Variants in DLEU7 observed in about 807,000 individuals in gnomAD.
DLEU7 encodes deleted in lymphocytic leukemia 7.
A neutral mutation model predicts 16.0 loss-of-function variants in DLEU7; 17 were observed. The observed-to-expected ratio is 1.06, with a 90% CI of 0.73 to 1.59. The LOEUF (loss-of-function observed/expected upper bound fraction) is 1.59, where lower values mean the gene tolerates loss of function less well. DLEU7 is among the 40% of genes most tolerant of loss of function. The probability of loss-of-function intolerance (pLI) is 0.00; values close to 1 mark genes in which losing one functional copy is unlikely to be tolerated. For synonymous variants in DLEU7, 113 were observed against 139.8 expected (o/e 0.81, Z 1.35); for missense variants, 308 against 314.9 (o/e 0.98, Z 0.17).
intron 1 of DLEU7, among the ~76,000 whole-genome samples, chr13:50,738,302 G>GA (rs961771725): frequency 1.7e-4 from 26 of 151,982 alleles, no homozygotes; most frequent in African/African-American, 6.0e-4. Flanking sequence ...AAAACATTGG[G>GA]AAAAAAACCT....
intron 1 of DLEU7, among the ~76,000 whole-genome samples, chr13:50,714,194 C>A (rs1873373520): frequency 6.6e-6 from 1 of 152,210 alleles, no homozygotes; most frequent in African/African-American, 2.4e-5. Flanking sequence ...ACTCCCTTCT[C>A]ACCTCTGCCT....
intron 1 of DLEU7, among the ~76,000 whole-genome samples, chr13:50,810,099 CTG>C (rs1475964932): frequency 6.8e-6 from 1 of 147,860 alleles, no homozygotes; most frequent in Non-Finnish European, 1.5e-5. Flanking sequence ...ATTGATACGT[CTG>C]TGGATGTTGG....
At chr13:50,800,507 C>G (rs1593400454) in intron 1 of DLEU7, among the ~76,000 whole-genome samples, 1 of 152,110 alleles carries the variant, frequency 6.6e-6, no homozygotes, top group East Asian at 1.9e-4. Flanking sequence ...CTACCTATAC[C>G]CCCTGGCATT....
At chr13:50,808,240 A>G (rs544995911) in intron 1 of DLEU7, among the ~76,000 whole-genome samples, 72 of 152,332 alleles carry the variant, frequency 4.7e-4, no homozygotes, top group African/African-American at 1.6e-3. Context: ...GTGGGGCCAT[A>G]ACATTATCAA....
intron 1 of DLEU7, among the ~76,000 whole-genome samples, chr13:50,732,393 GA>G (rs1331161656): frequency 1.3e-5 from 2 of 151,990 alleles, no homozygotes; most frequent in East Asian, 3.9e-4. Context: ...GGCTAATCAT[GA>G]GGTCAGGAGC....
At chr13:50,821,318 G>T (rs1465495009), downstream of DLEU7, among the ~76,000 whole-genome samples, 1 of 149,402 alleles carries the variant, frequency 6.7e-6, no homozygotes, top group Admixed American at 6.8e-5. Flanking sequence ...AGACACCAAA[G>T]TTAGCATGGG....
intron 1 of DLEU7, among the ~76,000 whole-genome samples, chr13:50,804,383 C>T (rs1199554599): frequency 1.3e-5 from 2 of 150,890 alleles, no homozygotes; most frequent in Non-Finnish European, 3.0e-5. Context: ...TCTTTTGTGT[C>T]CACAAGAGAC....
chr13:50,785,093 A>G (rs765673458), intron 1 of DLEU7, among the ~76,000 whole-genome samples: 1 of 152,154 alleles, frequency 6.6e-6, no homozygotes, highest in Non-Finnish European at 1.5e-5. Flanking sequence ...TGGATAATCT[A>G]CTAGATGGCC....
rs547782037 is a variant in DLEU7, at chr13:50,747,371, T to TGTGA, written c.460-34132_460-34131insTCAC. ...GTGTGTGTGTGTGTGTGTGTGTGTG[T>TGTGA]GACAGAGAGGGAGAAAGTGGGTGTG... On this transcript the variant is annotated intron_variant, in intron 1 of 1. Transcript: ENST00000400393. Among the ~76,000 whole-genome samples, 425 of 66,074 alleles carry TGTGA rather than the reference T, an allele frequency of 6.4e-3. 3 individuals carry two copies. The highest frequency in any genetic ancestry group is 0.018 in the African/African-American group (208 of 11,430). The allele number at this position is 66,074 out of a possible 152,430, so 43.3% of individuals were successfully genotyped here.
chr13:50,823,627 C>G (rs1168939531), intron 1 of DLEU7, 107 bp from the exon 2 acceptor site: 1 of 1,336,222 alleles, frequency 7.5e-7, no homozygotes, highest in South Asian at 1.5e-5. Context: ...TGACAGCACT[C>G]TGGTTTTTTT....
chr13:50,747,252 G>A (rs1874426031), intron 1 of DLEU7, among the ~76,000 whole-genome samples: 1 of 152,002 alleles, frequency 6.6e-6, no homozygotes, highest in Non-Finnish European at 1.5e-5. Context: ...TGGACTTTGT[G>A]TGTAAAACTC....
chr13:50,836,407 G>C (rs1463431424), intron 1 of DLEU7, among the ~76,000 whole-genome samples: 1 of 152,212 alleles, frequency 6.6e-6, no homozygotes, highest in African/African-American at 2.4e-5. Context: ...GGGCATGGTG[G>C]CTCATCCCTG....
At chr13:50,771,713 TGTG>T (rs1214176889) in intron 1 of DLEU7, among the ~76,000 whole-genome samples, 1 of 152,202 alleles carries the variant, frequency 6.6e-6, no homozygotes, top group East Asian at 1.9e-4. Flanking sequence ...ATAAGTCTGA[TGTG>T]GTGCTGAGAA....
At chr13:50,808,942 A>T (rs1876480598) in intron 1 of DLEU7, among the ~76,000 whole-genome samples, 1 of 152,118 alleles carries the variant, frequency 6.6e-6, no homozygotes, top group South Asian at 2.1e-4. Flanking sequence ...GAGAGAAACA[A>T]CTATGGTGTC....
At chr13:50,741,730 A>C (rs1192393732) in intron 1 of DLEU7, among the ~76,000 whole-genome samples, 1 of 152,222 alleles carries the variant, frequency 6.6e-6, no homozygotes, top group East Asian at 1.9e-4. Context: ...TAAAAGAAAT[A>C]GCATTTCTCA....
At chr13:50,756,380 G>A (rs113104875) in intron 1 of DLEU7, among the ~76,000 whole-genome samples, 2,612 of 152,252 alleles carry the variant, frequency 0.017, 75 homozygotes, top group African/African-American at 0.06. Context: ...CTCCTTCGAT[G>A]GGTCTTGCTG....
At chr13:50,728,778 T>C (rs1304795047) in intron 1 of DLEU7, among the ~76,000 whole-genome samples, 1 of 152,188 alleles carries the variant, frequency 6.6e-6, no homozygotes, top group African/African-American at 2.4e-5. Context: ...ACTTTTTTTT[T>C]CTTTACAAAT....
At chr13:50,842,139 T>A (rs756678218) in intron 1 of DLEU7, among the ~76,000 whole-genome samples, 1 of 152,096 alleles carries the variant, frequency 6.6e-6, no homozygotes, top group African/African-American at 2.4e-5. Flanking sequence ...AACCCCTACG[T>A]AGAGAAACAA....
intron 1 of DLEU7, among the ~76,000 whole-genome samples, chr13:50,741,652 C>G (rs1409243140): frequency 2.0e-5 from 3 of 152,054 alleles, no homozygotes; most frequent in Non-Finnish European, 4.4e-5. Context: ...TAAGAATTCC[C>G]CATAGCTGTT....
Sources: allele counts gnomAD v4.1 joint callset (sites outside exome capture counted in the v4.1 genomes callset), GRCh38; gene constraint gnomAD v4.1.1; transcripts MANE v1.5; gene names NCBI Gene and HGNC (gene_info 2026-07-23, HGNC 2026-07-21).